The following GRIK4 variants were observed in gnomAD, a reference collection of about 807,000 sequenced individuals.
The protein encoded by GRIK4 is glutamate ionotropic receptor kainate type subunit 4, also known as glutamate receptor ionotropic, kainate 4.
A neutral mutation model predicts 104.9 loss-of-function variants in GRIK4; 40 were observed. That is an observed-to-expected ratio of 0.38 (90% CI 0.30 to 0.50). GRIK4 has a LOEUF of 0.50. Among genes scored for constraint, GRIK4 ranks in the 20% least tolerant of loss-of-function variants. The pLI is 0.93. For missense variants in GRIK4, 1,047 were observed against 1,308.1 expected (o/e 0.80, Z 3.08); for synonymous variants, 485 against 524.9 (o/e 0.92, Z 1.04).
intron 6 of GRIK4, among the ~76,000 whole-genome samples, chr11:120,822,674 A>G (rs561533655): frequency 3.7e-4 from 57 of 152,340 alleles, no homozygotes; most frequent in African/African-American, 1.3e-3. Flanking sequence ...GAACATTCCC[A>G]TCATGGAGGA....
At chr11:120,561,060 T>C (rs1948233052) in intron 1 of GRIK4, among the ~76,000 whole-genome samples, 1 of 152,242 alleles carries the variant, frequency 6.6e-6, no homozygotes, top group Non-Finnish European at 1.5e-5. Context: ...ATTAAATATT[T>C]CTGTCAAGTG....
intron 6 of GRIK4, among the ~76,000 whole-genome samples, chr11:120,821,022 A>C (rs1452512639): frequency 1.3e-5 from 2 of 152,140 alleles, no homozygotes; most frequent in African/African-American, 4.8e-5. Context: ...TTCAAAGTTG[A>C]GGAAGTTGAG....
At chr11:120,624,266 A>G (rs1765539708) in intron 1 of GRIK4, among the ~76,000 whole-genome samples, 1 of 152,024 alleles carries the variant, frequency 6.6e-6, no homozygotes, top group Non-Finnish European at 1.5e-5. Flanking sequence ...CCACCCCAAT[A>G]GAGAGCTCAA....
intron 1 of GRIK4, among the ~76,000 whole-genome samples, chr11:120,537,299 A>G (rs1947987595): frequency 6.6e-6 from 1 of 152,076 alleles, no homozygotes; most frequent in South Asian, 2.1e-4. Flanking sequence ...GGAATGAGAG[A>G]TTGGGAAGCA....
chr11:120,539,315 C>T (rs1309187318), intron 1 of GRIK4, among the ~76,000 whole-genome samples: 1 of 152,110 alleles, frequency 6.6e-6, no homozygotes, highest in Non-Finnish European at 1.5e-5. Flanking sequence ...TCTGGCAAAT[C>T]CCAGGGCAGA....
chr11:120,835,006 C>T (rs1045826186), intron 7 of GRIK4, among the ~76,000 whole-genome samples: 6 of 152,134 alleles, frequency 3.9e-5, no homozygotes, highest in Admixed American at 1.3e-4. Flanking sequence ...TGCAGTGGGG[C>T]GTAGGATGGG....
At chr11:120,696,173 G>A (rs1175014507) in intron 3 of GRIK4, among the ~76,000 whole-genome samples, 1 of 152,212 alleles carries the variant, frequency 6.6e-6, no homozygotes. Flanking sequence ...GGAGAAAGCA[G>A]CCCTGTAGAT....
intron 3 of GRIK4, among the ~76,000 whole-genome samples, chr11:120,743,898 C>T (rs1362125854): frequency 6.6e-6 from 1 of 152,192 alleles, no homozygotes; most frequent in Non-Finnish European, 1.5e-5. Flanking sequence ...AAACTATTTA[C>T]TGTCGGTGGA....
At chr11:120,802,055 C>T (rs1050273787) in intron 3 of GRIK4, among the ~76,000 whole-genome samples, 3 of 152,254 alleles carry the variant, frequency 2.0e-5, no homozygotes, top group Admixed American at 2.0e-4. Context: ...TGCTGTGCCA[C>T]TTCCACACAT....
At chr11:120,848,635 G>T (rs758289929) in intron 8 of GRIK4, among the ~76,000 whole-genome samples, 1 of 152,172 alleles carries the variant, frequency 6.6e-6, no homozygotes, top group Admixed American at 6.5e-5. Context: ...GCAAGAGTTG[G>T]TCTCAGCTGG....
intron 8 of GRIK4, among the ~76,000 whole-genome samples, chr11:120,847,165 A>G (rs1175863128): frequency 1.3e-5 from 2 of 152,228 alleles, no homozygotes; most frequent in African/African-American, 2.4e-5. Flanking sequence ...ACAGTTGAGT[A>G]AACAGAACTG....
At chr11:120,535,036 G>A (rs531282102) in intron 1 of GRIK4, among the ~76,000 whole-genome samples, 20 of 152,304 alleles carry the variant, frequency 1.3e-4, no homozygotes, top group Admixed American at 1.1e-3. Context: ...ATTCAACAGC[G>A]GGCTCTCCTG....
chr11:120,609,516 CTTTTTTTTTTTTT>C (rs58736481), intron 1 of GRIK4, among the ~76,000 whole-genome samples: 2 of 57,130 alleles, frequency 3.5e-5, no homozygotes, highest in African/African-American at 7.5e-5. Context: ...TTTGCAGTTG[CTTTTTTTTTTTTT>C]TTTTTTTTTT....
chr11:120,668,159 A>G lies in GRIK4; in HGVS notation c.82+7759A>G, dbSNP rs188287346. On this transcript the variant is annotated intron_variant, in intron 3 of 20. Coordinates refer to ENST00000527524, the MANE Select transcript of GRIK4 (RefSeq NM_014619.5). ...GATAGATAGATAGATAAGTAGGTAG[A>G]TAAGTACATAGGTAGGTAGATAGAG... Among the ~76,000 whole-genome samples the G allele has an allele frequency of 9.3e-3, 1,417 of 151,802 alleles. 20 individuals are homozygous for G. Among genetic ancestry groups the G allele is most frequent in the African/African-American group, 0.032 (1,343 of 41,326 alleles).
chr11:120,960,332 A>G (rs1481026172), intron 16 of GRIK4, among the ~76,000 whole-genome samples: 1 of 152,220 alleles, frequency 6.6e-6, no homozygotes, highest in African/African-American at 2.4e-5. Context: ...CGTCTCAAAA[A>G]AAAACAAAGA....
chr11:120,802,509 C>T (rs924378644), intron 3 of GRIK4, among the ~76,000 whole-genome samples, 184 bp from the exon 4 acceptor site: 6 of 152,164 alleles, frequency 3.9e-5, no homozygotes, highest in African/African-American at 1.4e-4. Context: ...CACCTGGCTG[C>T]AAACCAAGAC....
chr11:120,963,679 T>A (rs1413679133), intron 18 of GRIK4, among the ~76,000 whole-genome samples: 1 of 152,166 alleles, frequency 6.6e-6, no homozygotes, highest in Non-Finnish European at 1.5e-5. Flanking sequence ...TTACCTTAGC[T>A]CAAAACTCTG....
At chr11:120,627,492 C>T (rs1949276527) in intron 1 of GRIK4, among the ~76,000 whole-genome samples, 1 of 152,202 alleles carries the variant, frequency 6.6e-6, no homozygotes, top group South Asian at 2.1e-4. Context: ...TAGCTCCTTC[C>T]AGTTCTGATA....
At chr11:120,640,332 T>G (rs889431119) in intron 1 of GRIK4, among the ~76,000 whole-genome samples, 5 of 152,214 alleles carry the variant, frequency 3.3e-5, no homozygotes, top group Non-Finnish European at 5.9e-5. Flanking sequence ...TTGGTGTCAA[T>G]GGACAGAAAA....
Sources: allele counts gnomAD v4.1 joint callset (sites outside exome capture counted in the v4.1 genomes callset), GRCh38; gene constraint gnomAD v4.1.1; transcripts MANE v1.5; gene names NCBI Gene and HGNC (gene_info 2026-07-23, HGNC 2026-07-21).